The following TIMP3 variants were observed in gnomAD, a reference collection of about 807,000 sequenced individuals.
TIMP3 encodes the protein metalloproteinase inhibitor 3.
TIMP3 carries 11 observed loss-of-function variants against 30.0 expected under a neutral mutation model. That is an observed-to-expected ratio of 0.37 (90% confidence interval 0.23 to 0.61). The LOEUF (loss-of-function observed/expected upper bound fraction) is 0.61, where lower values mean the gene tolerates loss of function less well. Ranked by LOEUF, TIMP3 falls within the 20% of genes least tolerant of loss-of-function variation. The pLI is 0.70. For missense variants in TIMP3, 181 were observed against 276.8 expected (o/e 0.65, Z 2.45); for synonymous variants, 112 against 111.3 (o/e 1.01, Z -0.04).
rs1004610427 is a variant in TIMP3, at chr22:32,859,586, C to G, written c.*209C>G. On this transcript the variant is annotated 3_prime_UTR_variant, in exon 5 of 5. Coordinates refer to ENST00000266085, the MANE Select transcript of TIMP3 (RefSeq NM_000362.5). ...CCCTGCCCCTTCTTTTTGGTTTTGA[C>G]ATCATTCATTTCCACCTGGGAATTT... is the stretch of plus-strand genomic sequence containing the variant. 2 of 616,160 alleles carry G rather than the reference C, an allele frequency of 3.2e-6. No homozygotes were observed. The highest frequency in any genetic ancestry group is 2.7e-6 in the Non-Finnish European group (1 of 367,874). 38.2% of individuals were successfully genotyped at this position (616,160 alleles called of 1,614,324 possible). A position where few individuals can be genotyped will look rare whatever the true frequency, so the allele number is the denominator to read the frequency against.
intron 1 of TIMP3, among the ~76,000 whole-genome samples, chr22:32,810,060 A>C (rs1485364560): frequency 6.6e-6 from 1 of 152,130 alleles, no homozygotes; most frequent in African/African-American, 2.4e-5. Flanking sequence ...ATATTTTCCT[A>C]TGTTCATGTC....
intron 1 of TIMP3, among the ~76,000 whole-genome samples, chr22:32,840,696 G>A (rs2047874228): frequency 6.6e-6 from 1 of 151,952 alleles, no homozygotes; most frequent in Non-Finnish European, 1.5e-5. Context: ...GGATTCAGAC[G>A]CAGCAAACTG....
At chr22:32,858,324 G>A (rs923200003) in intron 4 of TIMP3, among the ~76,000 whole-genome samples, 186 bp downstream of exon 4, 1 of 152,200 alleles carries the variant, frequency 6.6e-6, no homozygotes, top group Non-Finnish European at 1.5e-5. Context: ...CAGTGAGGAA[G>A]GCAGGGAAGG....
Position 32,859,796 on chromosome 22 carries a change from T to C in TIMP3, c.*419T>C, listed in dbSNP as rs1024184908. Reference sequence around the variant, plus strand: ...TCTTCCCTTTGCCCTTCTCCTCCAATACATAAAGGACACAGACAAGGAACT... The same window carrying C: ...TCTTCCCTTTGCCCTTCTCCTCCAACACATAAAGGACACAGACAAGGAACT... On this transcript the variant is annotated 3_prime_UTR_variant, in exon 5 of 5. Transcript: ENST00000266085. The C allele has an allele frequency of 9.1e-6, 2 of 220,220 alleles. No individual in the cohort carries two copies. The highest frequency in any genetic ancestry group is 1.8e-5 in the Non-Finnish European group (2 of 110,228). 13.6% of individuals were successfully genotyped at this position (220,220 alleles called of 1,614,324 possible).
At chr22:32,851,692 A>G (rs2048222783) in intron 2 of TIMP3, among the ~76,000 whole-genome samples, 1 of 152,208 alleles carries the variant, frequency 6.6e-6, no homozygotes, top group Admixed American at 6.5e-5. Flanking sequence ...CTGATCCCCA[A>G]GCTGAGGCAT....
chr22:32,828,964 T>C (rs2047492662), intron 1 of TIMP3, among the ~76,000 whole-genome samples: 1 of 152,054 alleles, frequency 6.6e-6, no homozygotes, highest in African/African-American at 2.4e-5. Context: ...CTTGGGTACA[T>C]TGGTCCTTAC....
rs189143308 is a variant in TIMP3 at position 32,859,416 on chromosome 22, G to A, written c.*39G>A. 49 of 1,586,850 alleles carry A rather than the reference G, an allele frequency of 3.1e-5. No individual in the cohort carries two copies. In the East Asian group the frequency reaches 4.1e-4, roughly 13 times the overall value. Reference sequence around the variant, plus strand: ...CCCCACCTCACTTCCCTCCCTTCCCGCTGAGCTTCCCTTGGACACTAACTC... The same window carrying A: ...CCCCACCTCACTTCCCTCCCTTCCCACTGAGCTTCCCTTGGACACTAACTC... On this transcript the variant is annotated 3_prime_UTR_variant, in exon 5 of 5. Transcript: ENST00000266085.
At chr22:32,839,394 A>T (rs2047830776) in intron 1 of TIMP3, among the ~76,000 whole-genome samples, 1 of 152,136 alleles carries the variant, frequency 6.6e-6, no homozygotes, top group Admixed American at 6.5e-5. Flanking sequence ...AGCCATTTGC[A>T]GAGTAAAAGC....
At chr22:32,813,756 G>A (rs925047671) in intron 1 of TIMP3, among the ~76,000 whole-genome samples, 4 of 151,170 alleles carry the variant, frequency 2.6e-5, no homozygotes, top group Non-Finnish European at 5.9e-5. Context: ...CTCAAACCTT[G>A]GCCTCGTTCA....
intron 1 of TIMP3, among the ~76,000 whole-genome samples, chr22:32,840,490 C>T (rs542311381): frequency 7.2e-4 from 110 of 152,162 alleles, no homozygotes; most frequent in Non-Finnish European, 1.2e-3. Context: ...TCAGGCTGCT[C>T]GCCGCTCCCC....
intron 1 of TIMP3, among the ~76,000 whole-genome samples, chr22:32,815,512 A>T (rs2047064786): frequency 6.6e-6 from 1 of 152,206 alleles, no homozygotes; most frequent in Non-Finnish European, 1.5e-5. Flanking sequence ...ATAACCACTC[A>T]TTGAGGTAGG....
intron 1 of TIMP3, among the ~76,000 whole-genome samples, chr22:32,844,646 T>C (rs1407207192): frequency 6.6e-6 from 1 of 152,214 alleles, no homozygotes; most frequent in Non-Finnish European, 1.5e-5. Context: ...TAGTTTCTTC[T>C]TAGATACTTT....
At chr22:32,832,737 C>G (rs1448877509) in intron 1 of TIMP3, among the ~76,000 whole-genome samples, 1 of 151,876 alleles carries the variant, frequency 6.6e-6, no homozygotes, top group African/African-American at 2.4e-5. Context: ...ACTCGCCCCT[C>G]TCTTTTTCTG....
At chr22:32,829,658 C>T (rs1452296053) in intron 1 of TIMP3, among the ~76,000 whole-genome samples, 1 of 152,200 alleles carries the variant, frequency 6.6e-6, no homozygotes, top group Non-Finnish European at 1.5e-5. Context: ...TGGCTGTTCC[C>T]TCCTCCAGCC....
Position 32,802,141 on chromosome 22 carries a change from C to A in TIMP3, c.121+19C>A. ...GACATCGGTAAGCGCTCCTGGTGCC[C>A]CGCCCGAGCCCCACGCTGCAGCCAG... On this transcript the variant is annotated intron_variant, in intron 1 of 4. Transcript: ENST00000266085. The A allele has an allele frequency of 6.4e-7, 1 of 1,573,296 alleles. No homozygotes were observed. Among genetic ancestry groups the A allele is most frequent in the East Asian group, 2.3e-5 (1 of 43,286 alleles).
intron 1 of TIMP3, among the ~76,000 whole-genome samples, chr22:32,836,033 TTAG>T (rs2047720303): frequency 6.6e-6 from 1 of 152,240 alleles, no homozygotes; most frequent in African/African-American, 2.4e-5. Flanking sequence ...TGTTAAATAT[TTAG>T]TAGTAGAAAG....
intron 2 of TIMP3, among the ~76,000 whole-genome samples, chr22:32,854,490 A>T (rs2048309226): frequency 6.6e-6 from 1 of 152,144 alleles, no homozygotes; most frequent in East Asian, 1.9e-4. Flanking sequence ...GGTCCAAAAG[A>T]CCTAGAGCGA....
chr22:32,828,740 G>A (rs1229493484), intron 1 of TIMP3, among the ~76,000 whole-genome samples: 2 of 152,216 alleles, frequency 1.3e-5, no homozygotes, highest in Non-Finnish European at 2.9e-5. Flanking sequence ...CCGGTTCTGG[G>A]AGACTGAGCT....
At chr22:32,850,753 A>C (rs1287878343) in intron 2 of TIMP3, among the ~76,000 whole-genome samples, 1 of 152,068 alleles carries the variant, frequency 6.6e-6, no homozygotes, top group Non-Finnish European at 1.5e-5. Flanking sequence ...TGCAAAAGTG[A>C]CTTGGTGAAT....
Sources: allele counts gnomAD v4.1 joint callset (sites outside exome capture counted in the v4.1 genomes callset), GRCh38; gene constraint gnomAD v4.1.1; transcripts MANE v1.5; gene names NCBI Gene and HGNC (gene_info 2026-07-23, HGNC 2026-07-21).